Variants in TRIT1 observed in about 807,000 individuals in gnomAD.
The protein encoded by TRIT1 is tRNA dimethylallyltransferase.
TRIT1 carries 43 observed loss-of-function variants against 51.2 expected under a neutral mutation model. The observed-to-expected ratio is 0.84, with a 90% confidence interval of 0.66 to 1.08. TRIT1 has a LOEUF of 1.08. TRIT1 is among the 50% of genes least tolerant of loss of function. The pLI, the probability that TRIT1 is intolerant of heterozygous loss-of-function variation, is 0.00. For missense variants in TRIT1, 528 were observed against 578.4 expected (o/e 0.91, Z 0.89); for synonymous variants, 184 against 203.9 (o/e 0.90, Z 0.83).
intron 1 of TRIT1, among the ~76,000 whole-genome samples, chr1:39,860,387 T>C (rs553751101): frequency 5.1e-4 from 77 of 152,324 alleles, no homozygotes; most frequent in African/African-American, 1.8e-3. Context: ...GTTAACTAAA[T>C]CTAAAACTGA....
intron 1 of TRIT1, among the ~76,000 whole-genome samples, chr1:39,875,781 T>C (rs1007529966): frequency 1.3e-5 from 2 of 151,932 alleles, no homozygotes; most frequent in African/African-American, 4.8e-5. Flanking sequence ...GGATGGAGGA[T>C]GAATGAATAA....
At chr1:39,860,979 A>G (rs1643205473) in intron 1 of TRIT1, among the ~76,000 whole-genome samples, 1 of 152,194 alleles carries the variant, frequency 6.6e-6, no homozygotes, top group Non-Finnish European at 1.5e-5. Flanking sequence ...TCAGGGGCTG[A>G]GGCAGGAGAA....
At chr1:39,853,157 C>G (rs753438345) in intron 3 of TRIT1, among the ~76,000 whole-genome samples, 2 of 152,088 alleles carry the variant, frequency 1.3e-5, no homozygotes, top group Non-Finnish European at 2.9e-5. Flanking sequence ...TTTAGCATAT[C>G]CAGGAGTCTA....
At chr1:39,843,060 T>C in intron 10 of TRIT1, among the ~76,000 whole-genome samples, 1 of 152,206 alleles carries the variant, frequency 6.6e-6, no homozygotes, top group East Asian at 1.9e-4. Context: ...AAAAAAACAA[T>C]CAGACACTCT....
intron 5 of TRIT1, 107 bp downstream of exon 5, chr1:39,850,012 T>G: frequency 8.7e-7 from 1 of 1,154,488 alleles, no homozygotes. Context: ...CTAATACTTG[T>G]TTAGTGTTTA....
At chr1:39,872,985 G>A (rs770173172) in intron 1 of TRIT1, among the ~76,000 whole-genome samples, 19 of 152,080 alleles carry the variant, frequency 1.2e-4, no homozygotes, top group Non-Finnish European at 2.2e-4. Flanking sequence ...TAGCCTGAGG[G>A]TATCTCCCCT....
At chr1:39,877,328 T>TA (rs57539376) in intron 1 of TRIT1, among the ~76,000 whole-genome samples, 10,189 of 112,976 alleles carry the variant, frequency 0.09, 503 homozygotes, top group Non-Finnish European at 0.11. Flanking sequence ...GTGCTTCTAT[T>TA]AAAAAAAAAA....
intron 4 of TRIT1, among the ~76,000 whole-genome samples, chr1:39,851,811 A>G (rs1472664813): frequency 1.3e-5 from 2 of 151,854 alleles, no homozygotes; most frequent in Admixed American, 6.6e-5. Context: ...AGCCAGGTAT[A>G]GTAGTGCACA....
chr1:39,848,694 G>A lies in TRIT1; in HGVS notation c.704-597C>T, dbSNP rs183606412. 4.2e-3 allele frequency among the ~76,000 whole-genome samples: 641 copies of A among 151,532 alleles called. 4 individuals carry two copies. The highest frequency in any genetic ancestry group is 0.01 in the South Asian group (50 of 4,812). On this transcript the variant is annotated intron_variant, in intron 5 of 10. Coordinates refer to ENST00000316891, the MANE Select transcript of TRIT1 (RefSeq NM_017646.6). The stretch of plus-strand genomic sequence containing the variant: ...AAAAATTAGCTGGGCGTAGTGGCGC[G>A]CGCCTGTAATCCCAGCTACTTGGGA...
At chr1:39,878,957 A>T (rs1644155259) in intron 1 of TRIT1, among the ~76,000 whole-genome samples, 1 of 152,218 alleles carries the variant, frequency 6.6e-6, no homozygotes, top group African/African-American at 2.4e-5. Flanking sequence ...ACTCCTAAGA[A>T]GGATAACTGG....
intron 1 of TRIT1, among the ~76,000 whole-genome samples, chr1:39,869,800 G>T (rs971218858): frequency 6.6e-6 from 1 of 150,532 alleles, no homozygotes; most frequent in Non-Finnish European, 1.5e-5. Context: ...CGGCCGCCCC[G>T]TCTGAGAAGT....
chr1:39,842,234 C>G (rs1243060256), intron 10 of TRIT1, among the ~76,000 whole-genome samples: 1 of 152,160 alleles, frequency 6.6e-6, no homozygotes, highest in Non-Finnish European at 1.5e-5. Context: ...TCAGAGAGGT[C>G]TTACAAAATG....
chr1:39,868,567 CCG>C (rs1160309279), intron 1 of TRIT1, among the ~76,000 whole-genome samples: 1 of 151,226 alleles, frequency 6.6e-6, no homozygotes, highest in Non-Finnish European at 1.5e-5. Flanking sequence ...TCACTTGAAC[CCG>C]GGAGGTGGAG....
chr1:39,847,314 A>G lies in TRIT1; in HGVS notation c.929-17T>C. 1 of 1,611,432 alleles carries G rather than the reference A, an allele frequency of 6.2e-7. No homozygotes were observed. The highest frequency in any genetic ancestry group is 8.5e-7 in the Non-Finnish European group (1 of 1,177,606). ...CCTCAATACCTGAAAGATACAGTAG[A>G]TTTAAGAACATCTAGGTAAGCACTC... is the stretch of plus-strand genomic sequence containing the variant. On this transcript the variant is annotated splice_polypyrimidine_tract_variant and intron_variant, in intron 7 of 10. Transcript: ENST00000316891.
At chr1:39,882,603 T>C (rs1466540725) in intron 1 of TRIT1, among the ~76,000 whole-genome samples, 1 of 152,204 alleles carries the variant, frequency 6.6e-6, no homozygotes, top group Non-Finnish European at 1.5e-5. Flanking sequence ...AAATCAGCCA[T>C]TATGATTTAA....
intron 1 of TRIT1, among the ~76,000 whole-genome samples, chr1:39,880,371 G>T (rs1570151701): frequency 1.3e-5 from 2 of 150,818 alleles, no homozygotes; most frequent in East Asian, 1.9e-4. Flanking sequence ...TGCCTGTGGA[G>T]TTACTTGAAA....
chr1:39,851,330 C>T lies in TRIT1; in HGVS notation c.561-1069G>A, dbSNP rs148471305. 3.5e-3 allele frequency among the ~76,000 whole-genome samples: 528 copies of T among 152,136 alleles called. 1 individual carries two copies. Among genetic ancestry groups the T allele is most frequent in the African/African-American group, 0.012 (483 of 41,496 alleles). ...TAAGAAAAAATTCTCAAACTCATTA[C>T]TCGTTTAGACGCAGCAAAATGAGAA... On this transcript the variant is annotated intron_variant, in intron 4 of 10. Coordinates refer to ENST00000316891, the MANE Select transcript of TRIT1 (RefSeq NM_017646.6).
intron 1 of TRIT1, among the ~76,000 whole-genome samples, chr1:39,862,125 T>A (rs1643286534): frequency 6.6e-6 from 1 of 152,000 alleles, no homozygotes; most frequent in African/African-American, 2.4e-5. Context: ...TACGAGGAGC[T>A]GGGGAGAGGG....
chr1:39,843,977 G>T, intron 10 of TRIT1, 124 bp downstream of exon 10: 1 of 621,610 alleles, frequency 1.6e-6, no homozygotes, highest in East Asian at 2.7e-5. Flanking sequence ...GGCTCTTAGA[G>T]GAATCTAGCT....
Sources: allele counts gnomAD v4.1 joint callset (sites outside exome capture counted in the v4.1 genomes callset), GRCh38; gene constraint gnomAD v4.1.1; transcripts MANE v1.5; gene names NCBI Gene and HGNC (gene_info 2026-07-23, HGNC 2026-07-21).